The following PDE10A variants were observed in gnomAD, a reference collection of about 807,000 sequenced individuals.
The protein encoded by PDE10A is phosphodiesterase 10A.
Under a neutral mutation model 97.7 loss-of-function variants are expected in PDE10A, and 39 were observed. That is an observed-to-expected ratio of 0.40 (90% CI 0.31 to 0.52). The LOEUF is 0.52. Among genes scored for constraint, PDE10A ranks in the 20% least tolerant of loss-of-function variants. The pLI, the probability that PDE10A is intolerant of heterozygous loss-of-function variation, is 0.56. For synonymous variants in PDE10A, 371 were observed against 376.8 expected (o/e 0.98, Z 0.18); for missense variants, 731 against 1,047.8 (o/e 0.70, Z 4.17).
rs569263581 is a variant in PDE10A, at chr6:165,526,214, T to G, written c.994+17226A>C. ...GACACTGGCTCTGAGCTGATGTTGA[T>G]TCCAGGGGACTCAAACATCATTGTG... On this transcript the variant is annotated intron_variant, in intron 2 of 21. Transcript: ENST00000539869. Among the ~76,000 whole-genome samples the G allele has an allele frequency of 2.6e-5, 4 of 152,290 alleles. No individual in the cohort carries two copies. The East Asian group carries it at 7.7e-4, about 29-fold the overall frequency.
At chr6:165,624,869 C>G (rs926098448) in intron 1 of PDE10A, among the ~76,000 whole-genome samples, 4 of 152,234 alleles carry the variant, frequency 2.6e-5, no homozygotes, top group African/African-American at 9.6e-5. Context: ...GTGTCACAGG[C>G]AGTGGATGCC....
chr6:165,401,567 C>T (rs180744654), intron 13 of PDE10A, among the ~76,000 whole-genome samples: 117 of 152,254 alleles, frequency 7.7e-4, no homozygotes, highest in African/African-American at 2.5e-3. Context: ...GTAGCACAAA[C>T]GAAAACGCAT....
intron 1 of PDE10A, among the ~76,000 whole-genome samples, chr6:165,852,232 T>C (rs1269692472): frequency 6.6e-6 from 1 of 152,222 alleles, no homozygotes; most frequent in Non-Finnish European, 1.5e-5. Flanking sequence ...GCTCCTGTTC[T>C]TGAGGTTGGA....
In PDE10A at chr6:165,491,012, C is replaced by T. The variant is rs575917723; in HGVS notation, c.995-8669G>A. 2.0e-4 allele frequency among the ~76,000 whole-genome samples: 31 copies of T among 152,228 alleles called. 1 individual carries two copies. The East Asian group carries it at 5.0e-3, about 25-fold the overall frequency. On this transcript the variant is annotated intron_variant, in intron 2 of 21. Transcript: ENST00000539869. ...TATCTGCTCTCTTCAAGAGACTCAC[C>T]TGACTCATAAGGACTCACATAAACT...
At chr6:165,402,266 TTTAAA>T (rs1786728209) in intron 13 of PDE10A, among the ~76,000 whole-genome samples, 2 of 152,076 alleles carry the variant, frequency 1.3e-5, no homozygotes. Context: ...TACGTAAAAA[TTTAAA>T]TTAAAATTTT....
chr6:165,543,528 G>A lies in PDE10A; in HGVS notation c.906C>T (p.His302=). ...ATACAAATTCATCTAATACCTGGGG[G>A]TGAAGAGAAAGATATGCCTTCACTT... ...DEKVKAYLSL[H]PQVLDEFVSE... Residue 302 remains histidine, a synonymous_variant, in exon 2 of 22, where the codon CAC becomes CAT. Coordinates refer to ENST00000539869, the MANE Select transcript of PDE10A (RefSeq NM_001385079.1). The A allele has an allele frequency of 1.2e-6, 2 of 1,610,610 alleles. No individual in the cohort carries two copies. The highest frequency in any genetic ancestry group is 8.5e-7 in the Non-Finnish European group (1 of 1,177,704).
intron 1 of PDE10A, among the ~76,000 whole-genome samples, chr6:165,891,796 T>C (rs1448199136): frequency 5.3e-5 from 8 of 152,184 alleles, no homozygotes; most frequent in African/African-American, 1.9e-4. Context: ...AGAGGTCACA[T>C]AGCTGAAACA....
At chr6:165,799,323 G>A (rs1430097071) in intron 1 of PDE10A, among the ~76,000 whole-genome samples, 1 of 152,256 alleles carries the variant, frequency 6.6e-6, no homozygotes, top group Non-Finnish European at 1.5e-5. Context: ...TAGAGGAGCA[G>A]AGATTGGAGG....
chr6:165,761,927 C>T (rs1381705130), intron 1 of PDE10A, among the ~76,000 whole-genome samples: 1 of 152,130 alleles, frequency 6.6e-6, no homozygotes, highest in South Asian at 2.1e-4. Flanking sequence ...GAAACTGGCC[C>T]TATTGTCCCA....
intron 1 of PDE10A, among the ~76,000 whole-genome samples, chr6:165,966,268 A>G (rs1044737241): frequency 4.6e-5 from 7 of 152,188 alleles, no homozygotes; most frequent in African/African-American, 1.7e-4. Context: ...GTTACTTTTA[A>G]AGGCTGTAGA....
chr6:165,848,445 G>A (rs1370846395), intron 1 of PDE10A, among the ~76,000 whole-genome samples: 2 of 152,200 alleles, frequency 1.3e-5, no homozygotes, highest in Non-Finnish European at 1.5e-5. Context: ...AGAGAAGGCA[G>A]CCTTTGTACA....
At chr6:165,960,976 C>T (rs7765834) in intron 1 of PDE10A, among the ~76,000 whole-genome samples, 2,616 of 152,182 alleles carry the variant, frequency 0.017, 78 homozygotes, top group African/African-American at 0.059. Flanking sequence ...GGGGAGGAAG[C>T]GTTGCCGGGG....
At chr6:165,748,544 T>C (rs1356367348) in intron 1 of PDE10A, among the ~76,000 whole-genome samples, 2 of 152,232 alleles carry the variant, frequency 1.3e-5, no homozygotes, top group African/African-American at 4.8e-5. Flanking sequence ...AACACTACTG[T>C]TATTTTAATG....
rs9348027 is a variant in PDE10A at position 165,655,914 on chromosome 6, A to T, written c.865+6033T>A. On this transcript the variant is annotated intron_variant, in intron 1 of 21. Coordinates refer to ENST00000539869, the MANE Select transcript of PDE10A (RefSeq NM_001385079.1). The surrounding 1 kb of genome is among the most constrained non-coding windows in gnomAD (Gnocchi z 4.5). ...CCCTCTGCCTAGGGTGCTTTTCCCC[A>T]GATAACTGCATGGCCGATGACACCT... 0.098 allele frequency among the ~76,000 whole-genome samples: 14,872 copies of T among 151,826 alleles called. 2,312 individuals are homozygous for T. Among genetic ancestry groups the T allele is most frequent in the African/African-American group, 0.33 (13,538 of 41,366 alleles).
intron 18 of PDE10A, among the ~76,000 whole-genome samples, chr6:165,361,552 T>G (rs1263191041): frequency 1.3e-5 from 2 of 152,114 alleles, no homozygotes; most frequent in African/African-American, 2.4e-5. Flanking sequence ...TTCGTTAAGA[T>G]GAGGAAATAT....
intron 1 of PDE10A, among the ~76,000 whole-genome samples, chr6:165,763,182 C>A (rs1793293056): frequency 6.6e-6 from 1 of 152,114 alleles, no homozygotes; most frequent in African/African-American, 2.4e-5. Flanking sequence ...GTATGGCTGC[C>A]CTCATTTGTA....
At chr6:165,689,745 A>G (rs903198044) in intron 1 of PDE10A, among the ~76,000 whole-genome samples, 3 of 152,174 alleles carry the variant, frequency 2.0e-5, no homozygotes, top group African/African-American at 4.8e-5. Flanking sequence ...CCATGAGCCA[A>G]ATAAACCTCT....
intron 5 of PDE10A, among the ~76,000 whole-genome samples, chr6:165,447,729 G>T (rs1790973761): frequency 6.6e-6 from 1 of 152,146 alleles, no homozygotes; most frequent in Non-Finnish European, 1.5e-5. Context: ...ATTTAGAAGT[G>T]GTAGTAATAT....
At chr6:165,896,859 G>A (rs768189015) in intron 1 of PDE10A, among the ~76,000 whole-genome samples, 6 of 151,830 alleles carry the variant, frequency 4.0e-5, no homozygotes, top group East Asian at 1.9e-4. Context: ...TAGTAGAGAC[G>A]GGGTTTCACC....
Sources: gnomAD v4.1 joint callset for allele counts (sites outside exome capture counted in the v4.1 genomes callset) on GRCh38, gnomAD v4.1.1 for gene constraint, Gnocchi (gnomAD v3.1) non-coding constraint, MANE v1.5 for transcripts, NCBI Gene and HGNC (gene_info 2026-07-23, HGNC 2026-07-21) for gene names.